COL22A1: variants seen among roughly 807,000 people sequenced by gnomAD.
COL22A1 encodes collagen alpha-1(XXII) chain.
A neutral mutation model predicts 248.9 loss-of-function variants in COL22A1; 221 were observed. The observed-to-expected ratio is 0.89, with a 90% CI of 0.80 to 0.99. COL22A1 has a LOEUF of 0.99. Among genes scored for constraint, COL22A1 ranks in the 50% least tolerant of loss-of-function variants. The pLI, the probability that COL22A1 is intolerant of heterozygous loss-of-function variation, is 0.00. For missense variants in COL22A1, 2,240 were observed against 2,179.0 expected (o/e 1.03, Z -0.56); for synonymous variants, 891 against 793.4 (o/e 1.12, Z -2.07).
chr8:138,836,756 T>A (rs914032014), intron 4 of COL22A1, among the ~76,000 whole-genome samples: 4 of 152,246 alleles, frequency 2.6e-5, no homozygotes, highest in African/African-American at 9.6e-5. Context: ...ATTCTTGCCA[T>A]GGCTGGGAAG....
At chr8:138,669,306 G>A (rs988024516) in intron 41 of COL22A1, among the ~76,000 whole-genome samples, 1 of 152,180 alleles carries the variant, frequency 6.6e-6, no homozygotes, top group African/African-American at 2.4e-5. Flanking sequence ...AGGGAGTGCC[G>A]AAGAGGGCTC....
At chr8:138,731,348 G>C (rs908930931) in intron 23 of COL22A1, among the ~76,000 whole-genome samples, 1 of 152,088 alleles carries the variant, frequency 6.6e-6, no homozygotes, top group African/African-American at 2.4e-5. Flanking sequence ...AGCAGCCAAT[G>C]GTAGGAGGAA....
chr8:138,703,167 G>C, intron 31 of COL22A1, 139 bp downstream of exon 31: 1 of 715,002 alleles, frequency 1.4e-6, no homozygotes, highest in South Asian at 1.6e-5. Flanking sequence ...TGGTTTGTAG[G>C]ACCTAGGAAT....
chr8:138,744,564 C>T (rs565277897), intron 22 of COL22A1, among the ~76,000 whole-genome samples: 11 of 152,086 alleles, frequency 7.2e-5, no homozygotes, highest in Non-Finnish European at 1.5e-4. Flanking sequence ...AGATCTCATG[C>T]CCCAGGTATA....
At chr8:138,716,356 T>A in intron 28 of COL22A1, 67 bp from the exon 29 acceptor site, 2 of 1,129,074 alleles carry the variant, frequency 1.8e-6, no homozygotes, top group Non-Finnish European at 2.6e-6. Flanking sequence ...CTGCAGGCCA[T>A]GTGCTCTCAG....
chr8:138,849,389 G>T (rs916474191), intron 3 of COL22A1, among the ~76,000 whole-genome samples: 2 of 152,186 alleles, frequency 1.3e-5, no homozygotes, highest in African/African-American at 4.8e-5. Flanking sequence ...GGCTTTACGA[G>T]GTAGGTGCTA....
intron 12 of COL22A1, among the ~76,000 whole-genome samples, chr8:138,782,419 T>G (rs971594310): frequency 3.3e-5 from 5 of 152,224 alleles, no homozygotes; most frequent in Admixed American, 6.5e-5. Context: ...GGTTTCACAA[T>G]GTTGCCCAGG....
At chr8:138,771,469 C>A (rs1834362268) in intron 16 of COL22A1, among the ~76,000 whole-genome samples, 1 of 152,200 alleles carries the variant, frequency 6.6e-6, no homozygotes, top group Non-Finnish European at 1.5e-5. Context: ...TCTCCCCCGG[C>A]TTCTCTACAG....
chr8:138,656,672 A>C (rs913860444), intron 44 of COL22A1, among the ~76,000 whole-genome samples: 1 of 152,214 alleles, frequency 6.6e-6, no homozygotes, highest in Non-Finnish European at 1.5e-5. Flanking sequence ...AATGGAAATT[A>C]AAAGGCAGAC....
intron 23 of COL22A1, among the ~76,000 whole-genome samples, chr8:138,733,947 CT>C (rs1241235038): frequency 2.0e-5 from 3 of 152,128 alleles, no homozygotes; most frequent in African/African-American, 2.4e-5. Flanking sequence ...TAAATCACCC[CT>C]GGACCAGGTA....
At chr8:138,825,213 T>C (rs1042701854) in intron 6 of COL22A1, among the ~76,000 whole-genome samples, 2 of 152,210 alleles carry the variant, frequency 1.3e-5, no homozygotes, top group African/African-American at 4.8e-5. Flanking sequence ...ACTCCTCCAT[T>C]CAGCCTTCCA....
At position 138,779,496 on chromosome 8, in the gene COL22A1, C is replaced by G. The variant is rs1814758365; in HGVS notation, c.1704+13G>C. 1 of 1,605,806 alleles carries G rather than the reference C, an allele frequency of 6.2e-7. No homozygotes were observed. Among genetic ancestry groups the G allele is most frequent in the Admixed American group, 1.7e-5 (1 of 60,028 alleles). On this transcript the variant is annotated intron_variant, in intron 14 of 64. Transcript: ENST00000303045. ...GGGAGCATCAGAAGGGCCCAGCTCA[C>G]AGCAACACTCACCCGCATGCCGACC...
intron 1 of COL22A1, among the ~76,000 whole-genome samples, chr8:138,900,941 G>A (rs1814504469): frequency 6.6e-6 from 1 of 152,042 alleles, no homozygotes; most frequent in Admixed American, 6.6e-5. Flanking sequence ...AGGTGACTTG[G>A]GTAGGACATT....
chr8:138,851,295 G>C (rs896607613), intron 3 of COL22A1, among the ~76,000 whole-genome samples: 1 of 152,188 alleles, frequency 6.6e-6, no homozygotes, highest in Non-Finnish European at 1.5e-5. Context: ...GAGAGGCTTC[G>C]CTTATCATGA....
At chr8:138,644,921 G>C (rs1414828643) in intron 47 of COL22A1, among the ~76,000 whole-genome samples, 2 of 152,184 alleles carry the variant, frequency 1.3e-5, no homozygotes, top group Admixed American at 6.5e-5. Context: ...TCCTATGTGA[G>C]AAATAAAGAT....
chr8:138,703,491 C>G, intron 30 of COL22A1, 144 bp from the exon 31 acceptor site: 1 of 652,786 alleles, frequency 1.5e-6, no homozygotes, highest in Non-Finnish European at 2.8e-6. Context: ...CCTGCACCTA[C>G]CTTGATAGAT....
chr8:138,685,207 C>G lies in COL22A1; in HGVS notation c.2967+1G>C. The G allele has an allele frequency of 6.2e-7, 1 of 1,604,880 alleles. No homozygotes were observed. Among genetic ancestry groups the G allele is most frequent in the South Asian group, 1.1e-5 (1 of 90,576 alleles). Reference sequence around the variant, plus strand: ...ACTGGGACCCCCGACCTTCCACTTACCGGCTCTCCATCCTTCCCTTTTCCG... The same window carrying G: ...ACTGGGACCCCCGACCTTCCACTTAGCGGCTCTCCATCCTTCCCTTTTCCG... On this transcript the variant is annotated splice_donor_variant, in intron 38 of 64. Transcript: ENST00000303045. LOFTEE classifies it high-confidence loss of function.
intron 25 of COL22A1, among the ~76,000 whole-genome samples, chr8:138,722,866 GAAAACACACCCT>G (rs1586571889): frequency 3.9e-5 from 3 of 77,492 alleles, no homozygotes; most frequent in East Asian, 4.8e-4. Flanking sequence ...GGGGGTGGTG[GAAAACACACCCT>G]GGGGCCTGTT....
At chr8:138,811,268 T>TACACACACAC (rs200757539) in intron 9 of COL22A1, among the ~76,000 whole-genome samples, 2 of 111,742 alleles carry the variant, frequency 1.8e-5, no homozygotes, top group African/African-American at 5.7e-5. Flanking sequence ...TACATATATA[T>TACACACACAC]ATATACACAC....
Sources: gnomAD v4.1 joint callset for allele counts (sites outside exome capture counted in the v4.1 genomes callset) on GRCh38, gnomAD v4.1.1 for gene constraint, MANE v1.5 for transcripts, NCBI Gene and HGNC (gene_info 2026-07-23, HGNC 2026-07-21) for gene names.